The following SLC8A1 variants were observed in gnomAD, a reference collection of about 807,000 sequenced individuals.
SLC8A1 encodes the protein solute carrier family 8 member A1.
In SLC8A1, 18 loss-of-function variants were observed where a neutral mutation model predicts 68.3. That is an observed-to-expected ratio of 0.26 (90% CI 0.18 to 0.39). SLC8A1 has a LOEUF of 0.39. Among genes scored for constraint, SLC8A1 ranks in the 10% least tolerant of loss-of-function variants. The pLI is 1.00. For missense variants in SLC8A1, 985 were observed against 1,156.7 expected (o/e 0.85, Z 2.15); for synonymous variants, 475 against 415.5 (o/e 1.14, Z -1.74).
chr2:40,252,857 CACATTTGATTCCAATA>C (rs2063033460), intron 2 of SLC8A1, among the ~76,000 whole-genome samples: 1 of 105,702 alleles, frequency 9.5e-6, no homozygotes. Context: ...TGTATATATA[CACATTTGATTCCAATA>C]ATATATATTT....
At chr2:40,201,609 G>T (rs1453209392) in intron 2 of SLC8A1, among the ~76,000 whole-genome samples, 2 of 151,910 alleles carry the variant, frequency 1.3e-5, no homozygotes, top group African/African-American at 2.4e-5. Context: ...ACACAGAAGG[G>T]TTCTTGACTA....
chr2:40,435,338 T>C (rs1014233714), intron 1 of SLC8A1, among the ~76,000 whole-genome samples: 3 of 152,204 alleles, frequency 2.0e-5, no homozygotes, highest in African/African-American at 7.2e-5. Context: ...TTTTCTCATC[T>C]GACCATCTCA....
chr2:40,434,400 T>C (rs1698994351), intron 1 of SLC8A1, among the ~76,000 whole-genome samples: 1 of 152,194 alleles, frequency 6.6e-6, no homozygotes, highest in Admixed American at 6.5e-5. Flanking sequence ...GTGGAATAGA[T>C]GTTATCTAAA....
At chr2:40,396,909 C>T (rs145028683) in intron 2 of SLC8A1, among the ~76,000 whole-genome samples, 100 of 152,060 alleles carry the variant, frequency 6.6e-4, no homozygotes, top group Middle Eastern at 3.4e-3. Flanking sequence ...CTGTTCAGGA[C>T]GGTGTTAGGG....
intron 2 of SLC8A1, among the ~76,000 whole-genome samples, chr2:40,341,369 C>A (rs571203071): frequency 1.3e-5 from 2 of 152,286 alleles, no homozygotes; most frequent in South Asian, 2.1e-4. Context: ...TAACTTGGCC[C>A]TGACTAACTT....
chr2:40,399,506 G>C (rs12052585), intron 2 of SLC8A1, among the ~76,000 whole-genome samples: 46,269 of 151,976 alleles, frequency 0.3, 7,751 homozygotes, highest in Admixed American at 0.39. Context: ...TTTTATGCAG[G>C]TCTGGAATGG....
At chr2:40,297,952 T>A (rs929317991) in intron 2 of SLC8A1, among the ~76,000 whole-genome samples, 1 of 152,178 alleles carries the variant, frequency 6.6e-6, no homozygotes, top group African/African-American at 2.4e-5. Flanking sequence ...CGATCTCGGC[T>A]CACTGCAACC....
intron 2 of SLC8A1, among the ~76,000 whole-genome samples, chr2:40,201,232 A>G (rs2054307215): frequency 6.6e-6 from 1 of 151,836 alleles, no homozygotes; most frequent in Admixed American, 6.6e-5. Flanking sequence ...AAGAAGTCTT[A>G]TGATTTTCTG....
intron 2 of SLC8A1, among the ~76,000 whole-genome samples, chr2:40,215,192 G>A (rs978851930): frequency 6.6e-6 from 1 of 151,974 alleles, no homozygotes; most frequent in Admixed American, 6.6e-5. Flanking sequence ...TTTAGAGATA[G>A]GATCTTACTC....
chr2:40,122,664 A>G (rs2037176677), intron 7 of SLC8A1, among the ~76,000 whole-genome samples: 1 of 152,146 alleles, frequency 6.6e-6, no homozygotes, highest in African/African-American at 2.4e-5. Flanking sequence ...AGCTTCCCCA[A>G]GCAGATTGAG....
chr2:40,366,930 T>C (rs1195182219), intron 2 of SLC8A1, among the ~76,000 whole-genome samples: 1 of 152,008 alleles, frequency 6.6e-6, no homozygotes, highest in Non-Finnish European at 1.5e-5. Flanking sequence ...CTGAACAGGA[T>C]TTCATCTTTA....
chr2:40,372,474 T>C (rs1678426770), intron 2 of SLC8A1, among the ~76,000 whole-genome samples: 1 of 152,160 alleles, frequency 6.6e-6, no homozygotes, highest in Admixed American at 6.6e-5. Flanking sequence ...AGGATTTTTC[T>C]TCATAGATAA....
chr2:40,253,447 C>G (rs2063329160), intron 2 of SLC8A1, among the ~76,000 whole-genome samples: 1 of 151,738 alleles, frequency 6.6e-6, no homozygotes, highest in Admixed American at 6.6e-5. Context: ...AAGCAAGGCA[C>G]AGAAAGACAA....
At chr2:40,208,604 T>C (rs1315095608) in intron 2 of SLC8A1, among the ~76,000 whole-genome samples, 1 of 152,092 alleles carries the variant, frequency 6.6e-6, no homozygotes, top group Non-Finnish European at 1.5e-5. Flanking sequence ...TAAAATTATA[T>C]AGAGGGTAAT....
chr2:40,431,940 T>C (rs776845733), intron 1 of SLC8A1, among the ~76,000 whole-genome samples: 5 of 152,122 alleles, frequency 3.3e-5, no homozygotes, highest in African/African-American at 7.2e-5. Context: ...ATAAGCTTCT[T>C]TGACATTTTT....
intron 1 of SLC8A1, among the ~76,000 whole-genome samples, chr2:40,512,061 A>T (rs1706767165): frequency 6.6e-6 from 1 of 152,148 alleles, no homozygotes; most frequent in African/African-American, 2.4e-5. Context: ...ATATCGAGGA[A>T]GACTTGTATC....
chr2:40,189,286 G>A (rs977637140), intron 2 of SLC8A1, among the ~76,000 whole-genome samples: 5 of 152,100 alleles, frequency 3.3e-5, no homozygotes, highest in African/African-American at 7.2e-5. Flanking sequence ...ATTGCTTTAG[G>A]ATAATGTATA....
intron 2 of SLC8A1, among the ~76,000 whole-genome samples, chr2:40,339,355 A>G (rs1363566136): frequency 6.6e-6 from 1 of 152,202 alleles, no homozygotes; most frequent in Non-Finnish European, 1.5e-5. Context: ...GGAGGAAAGG[A>G]TATCAGAAGG....
intron 2 of SLC8A1, among the ~76,000 whole-genome samples, chr2:40,210,901 A>G (rs1039757139): frequency 1.3e-5 from 2 of 152,236 alleles, no homozygotes; most frequent in African/African-American, 4.8e-5. Flanking sequence ...ATAAGGTATC[A>G]TTAACATCAT....
Sources: gnomAD v4.1 joint callset for allele counts (sites outside exome capture counted in the v4.1 genomes callset) on GRCh38, gnomAD v4.1.1 for gene constraint, MANE v1.5 for transcripts, NCBI Gene and HGNC (gene_info 2026-07-23, HGNC 2026-07-21) for gene names.